Variants in ELMO1 observed in about 807,000 individuals in gnomAD.
ELMO1 encodes the protein engulfment and cell motility protein 1.
A neutral mutation model predicts 98.9 loss-of-function variants in ELMO1; 26 were observed. The observed-to-expected ratio is 0.26, with a 90% CI of 0.19 to 0.36. The LOEUF (loss-of-function observed/expected upper bound fraction) is 0.36, where lower values mean the gene tolerates loss of function less well. Among genes scored for constraint, ELMO1 ranks in the 10% least tolerant of loss-of-function variants. The probability of loss-of-function intolerance (pLI) is 1.00; values close to 1 mark genes in which losing one functional copy is unlikely to be tolerated. For missense variants in ELMO1, 627 were observed against 935.2 expected (o/e 0.67, Z 4.30); for synonymous variants, 346 against 346.0 (o/e 1.00, Z 0.00).
chr7:37,246,685 A>G (rs992203811), intron 6 of ELMO1, among the ~76,000 whole-genome samples: 1 of 152,196 alleles, frequency 6.6e-6, no homozygotes, highest in African/African-American at 2.4e-5. Context: ...CGCCTACAAC[A>G]TATCCTTTTG....
chr7:37,325,488 G>A (rs960082036), intron 2 of ELMO1, among the ~76,000 whole-genome samples: 3 of 152,076 alleles, frequency 2.0e-5, no homozygotes, highest in Non-Finnish European at 2.9e-5. Flanking sequence ...GGACAGAAGC[G>A]GTCCCCGGTC....
intron 16 of ELMO1, among the ~76,000 whole-genome samples, chr7:36,989,202 T>C (rs1791709176): frequency 6.6e-6 from 1 of 152,230 alleles, no homozygotes; most frequent in Non-Finnish European, 1.5e-5. Flanking sequence ...GAGATGTTAT[T>C]ACACTATTTA....
chr7:36,904,537 G>C (rs190823086), intron 16 of ELMO1, among the ~76,000 whole-genome samples: 5 of 152,282 alleles, frequency 3.3e-5, no homozygotes, highest in Admixed American at 6.5e-5. Context: ...ACTGGGTGTT[G>C]TCCCACTCCT....
At chr7:37,411,467 T>C (rs966933188) in intron 1 of ELMO1, among the ~76,000 whole-genome samples, 4 of 152,202 alleles carry the variant, frequency 2.6e-5, no homozygotes, top group African/African-American at 9.7e-5. Context: ...CAAAATTCTT[T>C]AAATAAAATT....
chr7:36,953,058 C>T (rs1434827395), intron 16 of ELMO1, among the ~76,000 whole-genome samples: 1 of 150,838 alleles, frequency 6.6e-6, no homozygotes, highest in Non-Finnish European at 1.5e-5. Flanking sequence ...GGCAAGCTCC[C>T]GGGTTCACGC....
At chr7:37,334,361 G>A (rs1263120972) in intron 2 of ELMO1, among the ~76,000 whole-genome samples, 3 of 152,128 alleles carry the variant, frequency 2.0e-5, no homozygotes, top group South Asian at 2.1e-4. Context: ...CAGGAGAATC[G>A]CTTGAACCTG....
At chr7:36,998,668 T>C (rs1230007048) in intron 16 of ELMO1, among the ~76,000 whole-genome samples, 3 of 152,260 alleles carry the variant, frequency 2.0e-5, no homozygotes, top group East Asian at 3.9e-4. Context: ...GCAAACAAGA[T>C]TGAGATTTAA....
At chr7:37,131,464 G>A (rs1035247525) in intron 14 of ELMO1, among the ~76,000 whole-genome samples, 3 of 152,132 alleles carry the variant, frequency 2.0e-5, no homozygotes, top group African/African-American at 4.8e-5. Flanking sequence ...TGAGACATAT[G>A]CTTCTTATGC....
At chr7:37,113,716 G>A (rs544363504) in intron 14 of ELMO1, among the ~76,000 whole-genome samples, 1 of 152,292 alleles carries the variant, frequency 6.6e-6, no homozygotes, top group East Asian at 1.9e-4. Flanking sequence ...TGAAGATAGG[G>A]CCTTTAAAGA....
chr7:37,396,851 C>T (rs1202707497), intron 1 of ELMO1, among the ~76,000 whole-genome samples: 1 of 152,116 alleles, frequency 6.6e-6, no homozygotes, highest in Non-Finnish European at 1.5e-5. Flanking sequence ...TAAGTGTTAG[C>T]CAGAAATTAG....
intron 1 of ELMO1, among the ~76,000 whole-genome samples, chr7:37,436,358 T>G (rs1805143193): frequency 6.6e-6 from 1 of 152,172 alleles, no homozygotes; most frequent in South Asian, 2.1e-4. Context: ...GACCAGAAAT[T>G]TTTCACACTG....
At chr7:37,180,801 C>G (rs545993686) in intron 13 of ELMO1, among the ~76,000 whole-genome samples, 2 of 87,444 alleles carry the variant, frequency 2.3e-5, no homozygotes, top group East Asian at 8.9e-4. Flanking sequence ...CACATATGCA[C>G]ACACATATGC....
chr7:36,940,831 G>T (rs1786968532), intron 16 of ELMO1, among the ~76,000 whole-genome samples: 1 of 152,188 alleles, frequency 6.6e-6, no homozygotes, highest in African/African-American at 2.4e-5. Context: ...CATCAGCAGG[G>T]GAGACAAGCC....
At chr7:37,076,448 G>A (rs1328843128) in intron 15 of ELMO1, among the ~76,000 whole-genome samples, 1 of 152,174 alleles carries the variant, frequency 6.6e-6, no homozygotes, top group Non-Finnish European at 1.5e-5. Context: ...GGTCTCTTTT[G>A]CCCATCTCAC....
chr7:36,983,751 AAAG>A (rs1412863832), intron 16 of ELMO1, among the ~76,000 whole-genome samples: 16 of 152,198 alleles, frequency 1.1e-4, no homozygotes, highest in African/African-American at 3.4e-4. Context: ...ACCCATCTGA[AAAG>A]AAGGAGACAA....
chr7:36,873,280 G>C (rs182169919), intron 19 of ELMO1, among the ~76,000 whole-genome samples: 2 of 151,772 alleles, frequency 1.3e-5, no homozygotes, highest in African/African-American at 4.8e-5. Flanking sequence ...AGAAACAGAG[G>C]GGTCAGACTC....
chr7:37,152,270 AC>A (rs1384266874), intron 13 of ELMO1, among the ~76,000 whole-genome samples: 1 of 152,080 alleles, frequency 6.6e-6, no homozygotes, highest in African/African-American at 2.4e-5. Context: ...TCTCCTGCAA[AC>A]CCAAAGCAGA....
chr7:37,224,945 C>G lies in ELMO1; in HGVS notation c.635G>C (p.Ser212Thr), dbSNP rs1793783329. Reference protein sequence around the residue: ...LAILESMVLNSHDLYQKVAQE... With the variant: ...LAILESMVLNTHDLYQKVAQE... The stretch of plus-strand genomic sequence containing the variant: ...CGCCACTTTCTGGTAGAGGTCATGG[C>G]TATTGAGCACCATCGACTCCAAAAT... The change falls in exon 9 of 22, where the codon AGC becomes ACC. Residue 212 changes from serine to threonine, a missense_variant. By Grantham distance (58) the Ser-to-Thr change is moderately conservative. Transcript: ENST00000310758. The G allele has an allele frequency of 6.2e-7, 1 of 1,614,094 alleles. No individual in the cohort carries two copies. The highest frequency in any genetic ancestry group is 8.5e-7 in the Non-Finnish European group (1 of 1,179,976).
chr7:37,352,341 T>C (rs1169941462), intron 1 of ELMO1, among the ~76,000 whole-genome samples: 1 of 152,204 alleles, frequency 6.6e-6, no homozygotes, highest in African/African-American at 2.4e-5. Context: ...GCTCAAAGGA[T>C]ACTTCTTGCT....
Sources: gnomAD v4.1 joint callset for allele counts (sites outside exome capture counted in the v4.1 genomes callset) on GRCh38, gnomAD v4.1.1 for gene constraint, MANE v1.5 for transcripts, NCBI Gene and HGNC (gene_info 2026-07-23, HGNC 2026-07-21) for gene names.